The following ACYP2 variants were observed in gnomAD, a reference collection of about 807,000 sequenced individuals.
ACYP2 encodes the protein acylphosphatase 2, also known as acylphosphatase-2.
Under a neutral mutation model 11.2 loss-of-function variants are expected in ACYP2, and 12 were observed. That is an observed-to-expected ratio of 1.08 (90% CI 0.69 to 1.74). The LOEUF is 1.74. Ranked by LOEUF, ACYP2 falls within the 40% of genes most tolerant of loss-of-function variation. The probability of loss-of-function intolerance (pLI) is 0.00; values close to 1 mark genes in which losing one functional copy is unlikely to be tolerated. For synonymous variants in ACYP2, 43 were observed against 32.2 expected, an observed-to-expected ratio of 1.33 and a Z score of -1.13; for missense variants, 134 against 101.9, an observed-to-expected ratio of 1.31 and a Z score of -1.35.
At chr2:54,205,539 T>A (rs1441538029) in intron 6 of ACYP2, among the ~76,000 whole-genome samples, 1 of 152,212 alleles carries the variant, frequency 6.6e-6, no homozygotes, top group Admixed American at 6.5e-5. Context: ...TGATCTGTCT[T>A]CCCAGATGAG....
chr2:54,238,534 G>T (rs73934411), intron 6 of ACYP2, among the ~76,000 whole-genome samples: 2,739 of 152,176 alleles, frequency 0.018, 94 homozygotes, highest in African/African-American at 0.061. Flanking sequence ...CGAATGTAAA[G>T]ATAGTATCAT....
At chr2:54,255,300 C>T (rs1440849353) in intron 6 of ACYP2, 2 of 1,614,206 alleles carry the variant, frequency 1.2e-6, no homozygotes, top group Non-Finnish European at 8.5e-7. Flanking sequence ...GGTGTCTGAG[C>T]TCCTTCACTT....
chr2:54,121,863 C>A (rs115474767), intron 4 of ACYP2, among the ~76,000 whole-genome samples: 1 of 152,174 alleles, frequency 6.6e-6, no homozygotes, highest in African/African-American at 2.4e-5. Context: ...GTTTTCATAT[C>A]CCCTACACGG....
At chr2:54,175,224 T>C (rs189078211) in intron 6 of ACYP2, among the ~76,000 whole-genome samples, 307 of 152,326 alleles carry the variant, frequency 2.0e-3, no homozygotes, top group African/African-American at 7.1e-3. Flanking sequence ...TACTGGTCTT[T>C]TCAGAGATTC....
At chr2:54,273,829 C>G (rs556880822) in intron 6 of ACYP2, among the ~76,000 whole-genome samples, 1 of 152,168 alleles carries the variant, frequency 6.6e-6, no homozygotes, top group African/African-American at 2.4e-5. Context: ...CTGCCCTCCA[C>G]CTCATCCCAG....
intron 6 of ACYP2, chr2:54,267,417 G>A: frequency 6.8e-7 from 1 of 1,470,448 alleles, no homozygotes; most frequent in Non-Finnish European, 9.1e-7. Context: ...CTAAAGTAAG[G>A]GGTGGGAACA....
chr2:54,006,992 G>A (rs1467147002), intron 2 of ACYP2, among the ~76,000 whole-genome samples: 1 of 151,638 alleles, frequency 6.6e-6, no homozygotes. Context: ...AGGCTTGGTG[G>A]CATGTGCCTG....
intron 2 of ACYP2, among the ~76,000 whole-genome samples, chr2:53,999,762 C>T (rs969327496): frequency 5.3e-5 from 8 of 152,098 alleles, no homozygotes; most frequent in East Asian, 3.9e-4. Flanking sequence ...TGCAATGAGA[C>T]GACCTGGCAC....
At position 54,240,211 on chromosome 2, in the gene ACYP2, TG is replaced by T. The variant is rs1189681306; in HGVS notation, c.405-64476del. Among the ~76,000 whole-genome samples, 3 of 152,218 alleles carry T rather than the reference TG, an allele frequency of 2.0e-5. No homozygotes were observed. The South Asian group carries it at 6.2e-4, about 32-fold the overall frequency. On this transcript the variant is annotated intron_variant, in intron 6 of 6. Coordinates refer to ENST00000607452, the MANE Select transcript of ACYP2 (RefSeq NM_001320586.2). The stretch of plus-strand genomic sequence containing the variant: ...GCTTAGATGGGGGTGGGTGTCACCA[TG>T]ATCTTAGTGTTGCACTTTTTGGAAA...
At chr2:54,095,727 A>C (rs1211990259) in intron 4 of ACYP2, among the ~76,000 whole-genome samples, 7 of 99,108 alleles carry the variant, frequency 7.1e-5, no homozygotes, top group East Asian at 3.6e-4. Context: ...ACTTCCCAGT[A>C]GGGGCGGCCG....
At chr2:54,259,608 AAC>A (rs1687695460) in intron 6 of ACYP2, among the ~76,000 whole-genome samples, 1 of 152,234 alleles carries the variant, frequency 6.6e-6, no homozygotes, top group African/African-American at 2.4e-5. Flanking sequence ...CGGATTTTAC[AAC>A]AAAGAGTCAC....
chr2:54,153,085 G>A (rs1458568015), intron 6 of ACYP2, among the ~76,000 whole-genome samples: 1 of 152,048 alleles, frequency 6.6e-6, no homozygotes, highest in Non-Finnish European at 1.5e-5. Context: ...CTTATAGTAT[G>A]TTTTTAAAAT....
At chr2:54,197,403 TTTCCC>T (rs1684537948) in intron 6 of ACYP2, among the ~76,000 whole-genome samples, 1 of 152,206 alleles carries the variant, frequency 6.6e-6, no homozygotes, top group Non-Finnish European at 1.5e-5. Flanking sequence ...ATGAACCCCC[TTTCCC>T]TTTACCTATA....
intron 6 of ACYP2, among the ~76,000 whole-genome samples, chr2:54,268,668 G>C (rs943243655): frequency 6.6e-6 from 1 of 151,640 alleles, no homozygotes; most frequent in Non-Finnish European, 1.5e-5. Flanking sequence ...AAATTAGCTG[G>C]GAATGGTGGC....
intron 6 of ACYP2, among the ~76,000 whole-genome samples, chr2:54,252,672 G>A (rs60334288): frequency 0.021 from 3,140 of 152,198 alleles, 100 homozygotes; most frequent in African/African-American, 0.071. Context: ...TATGCCAATG[G>A]TCGGGCGGAT....
chr2:54,248,037 T>G (rs961125755), intron 6 of ACYP2, among the ~76,000 whole-genome samples: 2 of 152,212 alleles, frequency 1.3e-5, no homozygotes, highest in African/African-American at 4.8e-5. Context: ...TGTTAATGGC[T>G]GTAATAAAGC....
chr2:54,296,624 C>T (rs1023326288), intron 6 of ACYP2, among the ~76,000 whole-genome samples: 6 of 152,100 alleles, frequency 3.9e-5, no homozygotes, highest in Non-Finnish European at 8.8e-5. Context: ...AAAAATGCAT[C>T]CATAATGAAA....
At chr2:54,049,847 T>C (rs1222907273) in intron 2 of ACYP2, among the ~76,000 whole-genome samples, 1 of 152,248 alleles carries the variant, frequency 6.6e-6, no homozygotes, top group African/African-American at 2.4e-5. Context: ...GGCACTATAC[T>C]TACTTTTTGC....
At chr2:53,985,777 AATG>A (rs1433526426) in intron 2 of ACYP2, among the ~76,000 whole-genome samples, 1 of 152,102 alleles carries the variant, frequency 6.6e-6, no homozygotes, top group African/African-American at 2.4e-5. Context: ...ATCTTCCCAT[AATG>A]ATGAGTGAGT....
Sources: allele counts gnomAD v4.1 joint callset (sites outside exome capture counted in the v4.1 genomes callset), GRCh38; gene constraint gnomAD v4.1.1; transcripts MANE v1.5; gene names NCBI Gene and HGNC (gene_info 2026-07-23, HGNC 2026-07-21).